Variants in NEMP2 observed in about 807,000 individuals in gnomAD.
NEMP2 encodes nuclear envelope integral membrane protein 2.
Under a neutral mutation model 54.2 loss-of-function variants are expected in NEMP2, and 53 were observed. The observed-to-expected ratio is 0.98, with a 90% CI of 0.78 to 1.23. The LOEUF is 1.23. Ranked by LOEUF, NEMP2 falls within the 50% of genes most tolerant of loss-of-function variation. The pLI is 0.00. For missense variants in NEMP2, 455 were observed against 511.3 expected, an observed-to-expected ratio of 0.89 and a Z score of 1.06; for synonymous variants, 197 against 190.3, an observed-to-expected ratio of 1.04 and a Z score of -0.29.
the NEMP2 span, among the ~76,000 whole-genome samples, chr2:190,548,088 A>G: frequency 6.6e-6 from 1 of 152,132 alleles, no homozygotes; most frequent in Admixed American, 6.5e-5. Context: ...ATAGAAGGAA[A>G]GAGGGAGGAT....
the NEMP2 span, among the ~76,000 whole-genome samples, chr2:190,642,526 T>G: frequency 3.0e-4 from 46 of 152,280 alleles, no homozygotes; most frequent in African/African-American, 1.1e-3. The surrounding 1 kb of genome is among the most constrained non-coding windows in gnomAD (Gnocchi z 4.1). Context: ...TAACTTGTCT[T>G]TAAGAAACTT....
the NEMP2 span, among the ~76,000 whole-genome samples, chr2:190,563,226 C>T: frequency 6.6e-6 from 1 of 152,098 alleles, no homozygotes; most frequent in Non-Finnish European, 1.5e-5. This position sits in a 1 kb window ranked among gnomAD's most constrained non-coding sequence, Gnocchi z 4.3. Flanking sequence ...CCCACACGCA[C>T]CTGCCCTCCT....
rs1690482440 is a variant in NEMP2, at chr2:190,514,506, G to A, written c.900C>T (p.Leu300=). The change falls in exon 7 of 9, where the codon CTC becomes CTT. Residue 300 remains leucine (L), a synonymous_variant. Transcript: ENST00000409150. This position sits in a 1 kb window ranked among gnomAD's most constrained non-coding sequence, Gnocchi z 5.7. ...PQFAYAAIIL[L]MSSWSLHYPL... ...GGTAGTGCAGACTCCAGGAGGACAT[G>A]AGGAGGATTATGGCTGCATAGGCAA... 1 of 1,551,668 alleles carries A rather than the reference G, an allele frequency of 6.4e-7. No individual in the cohort carries two copies. The highest frequency in any genetic ancestry group is 8.7e-7 in the Non-Finnish European group (1 of 1,146,950).
In NEMP2 at chr2:190,507,899, G is replaced by GA. The variant is rs1185913083; in HGVS notation, c.*1289dup. The GA allele has an allele frequency of 1.3e-5, 2 of 151,996 alleles. No homozygotes were observed. Among genetic ancestry groups the GA allele is most frequent in the Admixed American group, 6.6e-5 (1 of 15,260 alleles). The allele number at this position is 151,996 out of a possible 1,614,324, so 9.4% of individuals were successfully genotyped here. A position where few individuals can be genotyped will look rare whatever the true frequency, so the allele number is the denominator to read the frequency against. ...GATTATTTTTATGATCCCATCACAG[G>GA]AAAAAAAGCCTGATTTTGATTCTCA... On this transcript the variant is annotated 3_prime_UTR_variant, in exon 9 of 9. Coordinates refer to ENST00000409150, the MANE Select transcript of NEMP2 (RefSeq NM_001142645.2). The surrounding 1 kb of genome is among the most constrained non-coding windows in gnomAD (Gnocchi z 4.4).
At chr2:190,493,661 A>T in the NEMP2 span, among the ~76,000 whole-genome samples, 1 of 152,228 alleles carries the variant, frequency 6.6e-6, no homozygotes, top group Non-Finnish European at 1.5e-5. Context: ...AATTGAAATT[A>T]TATCAAGTAC....
chr2:190,529,493 C>G lies in NEMP2; in HGVS notation c.98-4115G>C, dbSNP rs943232751. Reference sequence around the variant, plus strand: ...TATACTCTATCAAACACTCCCTTCTCAGAAAGGCCTTCTTTGACCCCACTG... The same window carrying G: ...TATACTCTATCAAACACTCCCTTCTGAGAAAGGCCTTCTTTGACCCCACTG... On this transcript the variant is annotated intron_variant, in intron 1 of 8. Coordinates refer to ENST00000409150, the MANE Select transcript of NEMP2 (RefSeq NM_001142645.2). This position sits in a 1 kb window ranked among gnomAD's most constrained non-coding sequence, Gnocchi z 4.7. 6.6e-6 allele frequency among the ~76,000 whole-genome samples: 1 copy of G among 152,194 alleles called. No homozygotes were observed. Among genetic ancestry groups the G allele is most frequent in the African/African-American group, 2.4e-5 (1 of 41,448 alleles).
chr2:190,535,576 T>G (rs1045040240), upstream of NEMP2, among the ~76,000 whole-genome samples: 1 of 152,178 alleles, frequency 6.6e-6, no homozygotes, highest in African/African-American at 2.4e-5. Context: ...GGTCTTTTGG[T>G]GAGATATCTT....
upstream of NEMP2, chr2:190,534,925 G>T (rs1469684681): frequency 9.2e-6 from 3 of 324,948 alleles, no homozygotes; most frequent in Non-Finnish European, 1.7e-5. Context: ...CCTCGGCCTC[G>T]GCCTTGGCCT....
At chr2:190,554,097 T>A in the NEMP2 span, among the ~76,000 whole-genome samples, 1 of 152,134 alleles carries the variant, frequency 6.6e-6, no homozygotes, top group Non-Finnish European at 1.5e-5. The surrounding 1 kb of genome is among the most constrained non-coding windows in gnomAD (Gnocchi z 5.7). Context: ...AGGGAAGTCA[T>A]TAGGCACTGT....
At position 190,519,608 on chromosome 2, in the gene NEMP2, G is replaced by C. The variant is rs1690684804; in HGVS notation, c.214-425C>G. ...GAAAAAAGAATACTCAAATGCGCAG[G>C]GTAGAGTTCTATGTTCTGATCCCAG... On this transcript the variant is annotated intron_variant, in intron 2 of 8. Coordinates refer to ENST00000409150, the MANE Select transcript of NEMP2 (RefSeq NM_001142645.2). The surrounding 1 kb of genome is among the most constrained non-coding windows in gnomAD (Gnocchi z 5.4). Among the ~76,000 whole-genome samples, 1 of 152,128 alleles carries C rather than the reference G, an allele frequency of 6.6e-6. No individual in the cohort carries two copies. The highest frequency in any genetic ancestry group is 1.5e-5 in the Non-Finnish European group (1 of 68,020).
the NEMP2 span, chr2:190,436,057 A>G: frequency 1.9e-6 from 3 of 1,613,622 alleles, no homozygotes; most frequent in Non-Finnish European, 2.5e-6. This position sits in a 1 kb window ranked among gnomAD's most constrained non-coding sequence, Gnocchi z 5.3. Flanking sequence ...TGCTATCTTA[A>G]CGGATGATGA....
the NEMP2 span, among the ~76,000 whole-genome samples, chr2:190,642,723 G>A: frequency 6.6e-6 from 1 of 152,018 alleles, no homozygotes; most frequent in Non-Finnish European, 1.5e-5. The surrounding 1 kb of genome is among the most constrained non-coding windows in gnomAD (Gnocchi z 4.1). Context: ...ACACAGAGTG[G>A]AAAATTTGTT....
the NEMP2 span, among the ~76,000 whole-genome samples, chr2:190,480,568 G>C: frequency 6.6e-6 from 1 of 152,130 alleles, no homozygotes; most frequent in South Asian, 2.1e-4. Flanking sequence ...ATTTTAATTA[G>C]TACTTATACC....
intron 1 of NEMP2, chr2:190,534,061 T>G: frequency 1.3e-6 from 1 of 767,306 alleles, no homozygotes; most frequent in South Asian, 5.9e-5. Flanking sequence ...GTCACAACAG[T>G]CAGGGGCAGA....
At chr2:190,608,153 C>T in the NEMP2 span, 1 of 152,198 alleles carries the variant, frequency 6.6e-6, no homozygotes, top group African/African-American at 2.4e-5. This position sits in a 1 kb window ranked among gnomAD's most constrained non-coding sequence, Gnocchi z 4.9. Context: ...GTTCCCCATC[C>T]GTTAGTCACT....
the NEMP2 span, among the ~76,000 whole-genome samples, chr2:190,576,112 G>C: frequency 6.6e-6 from 1 of 151,888 alleles, no homozygotes; most frequent in Non-Finnish European, 1.5e-5. Flanking sequence ...GGGACCACAG[G>C]TGCACACCAC....
the NEMP2 span, among the ~76,000 whole-genome samples, chr2:190,455,000 A>ATGTATATGTATAATGTAT: frequency 2.1e-5 from 1 of 46,602 alleles, no homozygotes; most frequent in East Asian, 7.6e-4. This position sits in a 1 kb window ranked among gnomAD's most constrained non-coding sequence, Gnocchi z 4.6. Flanking sequence ...GTATATGTAT[A>ATGTATATGTATAATGTAT]ATGTATATGT....
the NEMP2 span, chr2:190,648,500 A>T: frequency 1.5e-5 from 2 of 134,014 alleles, no homozygotes; most frequent in Non-Finnish European, 3.1e-5. Flanking sequence ...GGGCCAGGGG[A>T]GCCCGGCGCG....
rs1372328243 is a variant in NEMP2 at position 190,525,765 on chromosome 2, G to A, written c.98-387C>T. ...GGGGGTGGGCAGAACCAGCAAGTATGTACAGAATCATGAAAATGAGATAAA... is the reference window on the plus strand; with the variant it reads ...GGGGGTGGGCAGAACCAGCAAGTATATACAGAATCATGAAAATGAGATAAA... On this transcript the variant is annotated intron_variant, in intron 1 of 8. Coordinates refer to ENST00000409150, the MANE Select transcript of NEMP2 (RefSeq NM_001142645.2). The surrounding 1 kb of genome is among the most constrained non-coding windows in gnomAD (Gnocchi z 5.0). Among the ~76,000 whole-genome samples, 5 of 152,146 alleles carry A rather than the reference G, an allele frequency of 3.3e-5. No individual in the cohort carries two copies. Among genetic ancestry groups the A allele is most frequent in the Non-Finnish European group, 5.9e-5 (4 of 68,024 alleles).
Sources: allele counts gnomAD v4.1 joint callset (sites outside exome capture counted in the v4.1 genomes callset), GRCh38; gene constraint gnomAD v4.1.1; non-coding constraint Gnocchi (gnomAD v3.1); transcripts MANE v1.5; gene names NCBI Gene and HGNC (gene_info 2026-07-23, HGNC 2026-07-21).